EFHC2: variants seen among roughly 807,000 people sequenced by gnomAD.
The protein encoded by EFHC2 is EF-hand domain containing 2.
In EFHC2, 18 loss-of-function variants were observed where a neutral mutation model predicts 52.7. The observed-to-expected ratio is 0.34, with a 90% confidence interval of 0.24 to 0.51. The LOEUF (loss-of-function observed/expected upper bound fraction) is 0.51. Among genes scored for constraint, EFHC2 ranks in the 20% least tolerant of loss-of-function variants. The pLI is 0.97. For synonymous variants in EFHC2, 203 were observed against 204.1 expected (o/e 0.99, Z 0.04); for missense variants, 513 against 562.5 (o/e 0.91, Z 0.89).
intron 11 of EFHC2, among the ~76,000 whole-genome samples, chrX:44,187,095 G>A (rs2036881193): frequency 2.4e-5 from 2 of 84,903 alleles, no homozygotes; most frequent in Admixed American, 1.3e-4. Flanking sequence ...TGCCAGCCTG[G>A]GTGACAGAAC....
chrX:44,217,364 C>T (rs1007900201), intron 11 of EFHC2, among the ~76,000 whole-genome samples: 2 of 111,691 alleles, frequency 1.8e-5, no homozygotes, highest in Admixed American at 9.5e-5. Context: ...AGCAATCTCA[C>T]TGCTGGGTAT....
chrX:44,277,113 G>A (rs954309284), intron 2 of EFHC2, among the ~76,000 whole-genome samples: 1 of 110,275 alleles, frequency 9.1e-6, no homozygotes, highest in Admixed American at 9.7e-5. Flanking sequence ...CAAAAAATTA[G>A]CCAGGTGTGG....
rs1241214935 is a variant in EFHC2, at chrX:44,148,357, A to C, written c.*438T>G. 2 of 119,670 alleles carry C rather than the reference A, an allele frequency of 1.7e-5. No homozygotes were observed. Among genetic ancestry groups the C allele is most frequent in the Non-Finnish European group, 3.4e-5 (2 of 59,563 alleles). The allele number at this position is 119,670 out of a possible 1,213,427, so 9.9% of individuals were successfully genotyped here. A position where few individuals can be genotyped will look rare whatever the true frequency, so the allele number is the denominator to read the frequency against. ...TATTTTGATGAGGTGGGTTGCTACAAAACTTAATTATGTAAGTAATAAACG... is the reference window on the plus strand; with the variant it reads ...TATTTTGATGAGGTGGGTTGCTACACAACTTAATTATGTAAGTAATAAACG... On this transcript the variant is annotated 3_prime_UTR_variant, in exon 15 of 15. Transcript: ENST00000420999.
At chrX:44,184,392 C>T (rs1260049447) in intron 11 of EFHC2, among the ~76,000 whole-genome samples, 12 of 111,560 alleles carry the variant, frequency 1.1e-4, no homozygotes, top group Admixed American at 5.8e-4. Context: ...TAGATGTCAG[C>T]TTCTCTGTGA....
intron 11 of EFHC2, among the ~76,000 whole-genome samples, chrX:44,179,208 G>A (rs1253778378): frequency 9.1e-6 from 1 of 110,224 alleles, no homozygotes; most frequent in African/African-American, 3.3e-5. Context: ...TATCAATGAA[G>A]ACGACTCAAG....
intron 14 of EFHC2, among the ~76,000 whole-genome samples, chrX:44,160,592 A>G (rs750134442): frequency 1.8e-5 from 2 of 111,924 alleles, no homozygotes; most frequent in African/African-American, 6.5e-5. Context: ...CAGAGGCAAA[A>G]TATGTAAAAA....
intron 14 of EFHC2, among the ~76,000 whole-genome samples, chrX:44,153,719 C>A (rs998293012): frequency 8.9e-6 from 1 of 111,741 alleles, no homozygotes; most frequent in South Asian, 3.8e-4. Context: ...AATCTCATGG[C>A]CAGCCCCTTG....
chrX:44,250,587 G>T (rs2037435196), intron 4 of EFHC2, 142 bp from the exon 5 acceptor site: 3 of 689,753 alleles, frequency 4.3e-6, no homozygotes, highest in Non-Finnish European at 5.9e-6. Context: ...CATTTTGGGA[G>T]GCCAAGGCGG....
intron 11 of EFHC2, among the ~76,000 whole-genome samples, chrX:44,228,581 G>A (rs747768035): frequency 8.9e-6 from 1 of 111,985 alleles, no homozygotes; most frequent in African/African-American, 3.2e-5. Context: ...ATCCCAGAAG[G>A]TTGGGAATTC....
At chrX:44,329,025 T>C (rs2147394949) in intron 1 of EFHC2, among the ~76,000 whole-genome samples, 1 of 111,704 alleles carries the variant, frequency 9.0e-6, no homozygotes, top group South Asian at 3.7e-4. Flanking sequence ...GTGCATTTTG[T>C]CCAATTCTTT....
At chrX:44,213,553 T>C (rs959864735) in intron 11 of EFHC2, among the ~76,000 whole-genome samples, 8 of 112,045 alleles carry the variant, frequency 7.1e-5, no homozygotes, top group Admixed American at 1.9e-4. Context: ...TTCTAGGTTA[T>C]AGGTAGATTT....
intron 2 of EFHC2, among the ~76,000 whole-genome samples, chrX:44,274,090 AATG>A (rs1426023194): frequency 8.9e-6 from 1 of 112,215 alleles, no homozygotes; most frequent in African/African-American, 3.2e-5. Flanking sequence ...AATTGCCATA[AATG>A]ATATTAGAAT....
chrX:44,178,129 T>TCTCACACACA (rs779701339), intron 12 of EFHC2, among the ~76,000 whole-genome samples: 4 of 83,950 alleles, frequency 4.8e-5, no homozygotes, highest in East Asian at 3.6e-4. Context: ...AGATGCCATA[T>TCTCACACACA]CACACACACA....
rs778406403 is a variant in EFHC2 at position 44,226,916 on chromosome X, AGAAG to A, written c.1751+2729_1751+2732del. Among the ~76,000 whole-genome samples, 102 of 109,129 alleles carry A rather than the reference AGAAG, an allele frequency of 9.3e-4. 1 individual carries two copies. Among genetic ancestry groups the A allele is most frequent in the South Asian group, 9.0e-3 (22 of 2,434 alleles). The allele number at this position is 109,129 out of a possible 115,157, so 94.8% of individuals were successfully genotyped here. On this transcript the variant is annotated intron_variant, in intron 11 of 14. Transcript: ENST00000420999. The stretch of plus-strand genomic sequence containing the variant: ...AATAAAAAAAAGAAAAAGAAAAAGA[AGAAG>A]GAAGGAAGGAAGGAAGGAGAAGAGA...
At chrX:44,278,520 T>C (rs1246950179) in intron 2 of EFHC2, among the ~76,000 whole-genome samples, 1 of 111,716 alleles carries the variant, frequency 9.0e-6, no homozygotes, top group African/African-American at 3.3e-5. Context: ...ACATGGCACC[T>C]TGGCATTTGA....
chrX:44,216,160 T>C (rs2037146697), intron 11 of EFHC2, among the ~76,000 whole-genome samples: 1 of 112,607 alleles, frequency 8.9e-6, no homozygotes, highest in African/African-American at 3.2e-5. Context: ...TAATATTGCT[T>C]TTTAACAAAC....
chrX:44,322,803 A>T (rs2038029685), intron 1 of EFHC2, among the ~76,000 whole-genome samples: 1 of 111,625 alleles, frequency 9.0e-6, no homozygotes, highest in African/African-American at 3.3e-5. Flanking sequence ...GACCAAGTAT[A>T]GGAGTTCAAG....
In EFHC2 at chrX:44,148,740, A is replaced by G; in HGVS notation, c.*55T>C. ...TTAATGAAATTATATCTACTAAAGT[A>G]AATGTGGCAAAATGAGAGAAGTAAA... is the stretch of plus-strand genomic sequence containing the variant. On this transcript the variant is annotated 3_prime_UTR_variant, in exon 15 of 15. Coordinates refer to ENST00000420999, the MANE Select transcript of EFHC2 (RefSeq NM_025184.4). The G allele has an allele frequency of 1.0e-6, 1 of 977,682 alleles. No homozygotes were observed. The highest frequency in any genetic ancestry group is 2.6e-4 in the Middle Eastern group (1 of 3,880). 80.6% of individuals were successfully genotyped at this position (977,682 alleles called of 1,213,427 possible).
chrX:44,185,694 G>A (rs865948594), intron 11 of EFHC2, among the ~76,000 whole-genome samples: 3 of 110,148 alleles, frequency 2.7e-5, no homozygotes, highest in Non-Finnish European at 5.7e-5. Context: ...GCACTACCAC[G>A]CTTGGCTAAT....
Sources: allele counts gnomAD v4.1 joint callset (sites outside exome capture counted in the v4.1 genomes callset), GRCh38; gene constraint gnomAD v4.1.1; transcripts MANE v1.5; gene names NCBI Gene and HGNC (gene_info 2026-07-23, HGNC 2026-07-21).